TENM2: variants seen among roughly 807,000 people sequenced by gnomAD.
The protein encoded by TENM2 is teneurin-2.
In TENM2, 52 loss-of-function variants were observed where a neutral mutation model predicts 245.2. The observed-to-expected ratio is 0.21, with a 90% CI of 0.17 to 0.27. The LOEUF is 0.27. Among genes scored for constraint, TENM2 ranks in the 10% least tolerant of loss-of-function variants. TENM2 has a pLI of 1.00. For missense variants in TENM2, 3,046 were observed against 3,666.8 expected, an observed-to-expected ratio of 0.83 and a Z score of 4.37; for synonymous variants, 1,363 against 1,438.9, an observed-to-expected ratio of 0.95 and a Z score of 1.19.
intron 12 of TENM2, among the ~76,000 whole-genome samples, chr5:168,144,576 A>G (rs1287855088): frequency 6.6e-6 from 1 of 151,252 alleles, no homozygotes; most frequent in Non-Finnish European, 1.5e-5. Context: ...AATCCAGTCT[A>G]TCATTGTTGG....
intron 3 of TENM2, among the ~76,000 whole-genome samples, chr5:167,907,685 T>G: frequency 6.7e-6 from 1 of 150,006 alleles, no homozygotes; most frequent in South Asian, 2.1e-4. Flanking sequence ...GGAGGATTGC[T>G]TGAGGCCAGG....
chr5:167,299,964 T>C (rs1214942338), intron 1 of TENM2, among the ~76,000 whole-genome samples: 1 of 152,074 alleles, frequency 6.6e-6, no homozygotes, highest in Non-Finnish European at 1.5e-5. Context: ...TGAGCATAGT[T>C]TGTGATTTTT....
At chr5:167,847,717 C>T (rs961984101) in intron 2 of TENM2, among the ~76,000 whole-genome samples, 3 of 152,214 alleles carry the variant, frequency 2.0e-5, no homozygotes, top group Non-Finnish European at 4.4e-5. Flanking sequence ...TATGTTCTGA[C>T]TAAATCTCAG....
intron 2 of TENM2, among the ~76,000 whole-genome samples, chr5:167,764,591 G>A (rs1762882489): frequency 6.6e-6 from 1 of 152,132 alleles, no homozygotes; most frequent in Admixed American, 6.5e-5. Context: ...GTTACATGTG[G>A]CAAATTTTTA....
chr5:167,351,405 G>C (rs1474689684), intron 1 of TENM2, among the ~76,000 whole-genome samples: 1 of 152,072 alleles, frequency 6.6e-6, no homozygotes, highest in Non-Finnish European at 1.5e-5. Context: ...AGGTTTTTAA[G>C]TTCTCTTGTT....
chr5:167,454,425 T>A (rs951294122), intron 2 of TENM2, among the ~76,000 whole-genome samples: 1 of 150,080 alleles, frequency 6.7e-6, no homozygotes, highest in Non-Finnish European at 1.5e-5. Context: ...TAAAACAGAG[T>A]TAAAAAAATA....
Position 167,797,880 on chromosome 5 carries a change from G to A in TENM2, c.503-78106G>A, listed in dbSNP as rs919355336. Among the ~76,000 whole-genome samples, 6 of 152,286 alleles carry A rather than the reference G, an allele frequency of 3.9e-5. 1 individual carries two copies. The South Asian group carries it at 1.2e-3, about 32-fold the overall frequency. On this transcript the variant is annotated intron_variant, in intron 2 of 28. Coordinates refer to ENST00000518659, the Ensembl canonical transcript of TENM2. ...AAAAAAATCTTTTGAAGTAGTTTAA[G>A]GGGAAAACATGGATCTAACACAATG...
intron 5 of TENM2, among the ~76,000 whole-genome samples, chr5:168,028,119 T>C (rs1786787701): frequency 6.6e-6 from 1 of 152,160 alleles, no homozygotes; most frequent in South Asian, 2.1e-4. Context: ...GTATGCCTTC[T>C]ATGGAGGGCA....
At chr5:167,412,078 G>A (rs1351782166) in intron 2 of TENM2, among the ~76,000 whole-genome samples, 1 of 152,038 alleles carries the variant, frequency 6.6e-6, no homozygotes, top group Non-Finnish European at 1.5e-5. Flanking sequence ...GGATTTAAGG[G>A]TTCACCTGGA....
intron 2 of TENM2, among the ~76,000 whole-genome samples, chr5:167,429,277 A>G (rs879502209): frequency 1.3e-5 from 2 of 152,178 alleles, no homozygotes; most frequent in Non-Finnish European, 2.9e-5. Context: ...CCATGCAGCA[A>G]GCTCTGTGGT....
chr5:167,675,708 A>G (rs1002611344), intron 2 of TENM2, among the ~76,000 whole-genome samples: 3 of 152,088 alleles, frequency 2.0e-5, no homozygotes, highest in Non-Finnish European at 4.4e-5. Flanking sequence ...TCTTTCTATC[A>G]ACATAGTGGG....
the TENM2 span, among the ~76,000 whole-genome samples, chr5:167,026,712 G>C: frequency 2.0e-5 from 3 of 152,168 alleles, no homozygotes; most frequent in East Asian, 5.8e-4. Flanking sequence ...GGGCTTGAGT[G>C]CTTTATTTGA....
At chr5:168,111,729 A>G (rs147651146) in intron 9 of TENM2, among the ~76,000 whole-genome samples, 2 of 152,282 alleles carry the variant, frequency 1.3e-5, no homozygotes, top group Non-Finnish European at 2.9e-5. Context: ...TGGGATGGAG[A>G]GAGCCCATCC....
Position 167,412,894 on chromosome 5 carries a change from T to C in TENM2, c.502+37421T>C, listed in dbSNP as rs187581918. ...CATCGAAAGCAAAAAAAAAAAAAAG[T>C]GACTTCAATTTATGACAAAAATACA... On this transcript the variant is annotated intron_variant, in intron 2 of 28. Transcript: ENST00000518659. 7.9e-3 allele frequency among the ~76,000 whole-genome samples: 1,116 copies of C among 141,270 alleles called. 14 individuals are homozygous for C. Among genetic ancestry groups the C allele is most frequent in the African/African-American group, 0.027 (1,069 of 39,122 alleles). The allele number at this position is 141,270 out of a possible 152,430, so 92.7% of individuals were successfully genotyped here. A position where few individuals can be genotyped will look rare whatever the true frequency, so the allele number is the denominator to read the frequency against.
intron 2 of TENM2, among the ~76,000 whole-genome samples, chr5:167,674,157 T>C (rs1303098731): frequency 6.6e-6 from 1 of 152,138 alleles, no homozygotes; most frequent in Non-Finnish European, 1.5e-5. Context: ...GGTGTTGACG[T>C]TGAATAGCTG....
At position 168,247,321 on chromosome 5, in the gene TENM2, C is replaced by T. The variant is rs1227403627; in HGVS notation, c.6382C>T (p.His2128Tyr). The T allele has an allele frequency of 6.2e-7, 1 of 1,613,866 alleles. No individual in the cohort carries two copies. Among genetic ancestry groups the T allele is most frequent in the Non-Finnish European group, 8.5e-7 (1 of 1,179,904 alleles). Residue 2128 changes from histidine to tyrosine, a missense_variant, in exon 27 of 29, where the codon CAC becomes TAC. This residue lies in a region of TENM2 where 2,704 missense variants were observed against 3,331.9 expected (regional missense o/e 0.81). Transcript: ENST00000518659. This position sits in a 1 kb window ranked among gnomAD's most constrained non-coding sequence, Gnocchi z 7.8. ...TGATGAGATTTCTGGCAAGGTGGAA[C>T]ACTTTGGTAAGTTTGGAGTCATCTA... is the stretch of plus-strand genomic sequence containing the variant.
the TENM2 span, among the ~76,000 whole-genome samples, chr5:167,044,994 T>C: frequency 6.6e-6 from 1 of 151,588 alleles, no homozygotes; most frequent in Admixed American, 6.6e-5. Flanking sequence ...TTGAGCACTT[T>C]CAGAAGCTGA....
At chr5:168,188,899 T>C (rs1159442943) in intron 13 of TENM2, among the ~76,000 whole-genome samples, 1 of 152,168 alleles carries the variant, frequency 6.6e-6, no homozygotes, top group South Asian at 2.1e-4. Context: ...TTCCTAACTG[T>C]CTTGGTCAGT....
chr5:167,145,178 C>CT, the TENM2 span, among the ~76,000 whole-genome samples: 1 of 152,162 alleles, frequency 6.6e-6, no homozygotes, highest in South Asian at 2.1e-4. Flanking sequence ...TGCAAAATCC[C>CT]TTTTACCATG....
Sources: allele counts gnomAD v4.1 joint callset (sites outside exome capture counted in the v4.1 genomes callset), GRCh38; gene constraint gnomAD v4.1.1; regional missense constraint gnomAD v4.1.1; non-coding constraint Gnocchi (gnomAD v3.1); transcripts MANE v1.5; gene names NCBI Gene and HGNC (gene_info 2026-07-23, HGNC 2026-07-21).